The following GGT1 variants were observed in gnomAD, a reference collection of about 807,000 sequenced individuals.
GGT1 encodes gamma-glutamyltransferase 1.
Under a neutral mutation model 56.0 loss-of-function variants are expected in GGT1, and 21 were observed. The ratio of observed to expected loss-of-function variants is 0.38; its 90% CI spans 0.27 to 0.54. GGT1 has a LOEUF of 0.54. GGT1 is among the 20% of genes least tolerant of loss of function. The probability of loss-of-function intolerance (pLI) is 0.82; values close to 1 mark genes in which losing one functional copy is unlikely to be tolerated. For missense variants in GGT1, 466 were observed against 787.0 expected, an observed-to-expected ratio of 0.59 and a Z score of 4.88; for synonymous variants, 238 against 342.6, an observed-to-expected ratio of 0.69 and a Z score of 3.37.
upstream of GGT1, chr22:24,592,792 G>A (rs2045611460): frequency 7.9e-7 from 1 of 1,271,060 alleles, no homozygotes; most frequent in Admixed American, 4.0e-5. Flanking sequence ...ATAGCCCCGC[G>A]CCTCCCAGAC....
At chr22:24,606,256 T>G (rs527848286) in intron 1 of GGT1, among the ~76,000 whole-genome samples, 10 of 150,584 alleles carry the variant, frequency 6.6e-5, no homozygotes, top group Non-Finnish European at 1.3e-4. Flanking sequence ...TCATTTACAT[T>G]AGGTATATCT....
chr22:24,600,373 G>A (rs1288351934), upstream of GGT1, among the ~76,000 whole-genome samples: 18 of 152,254 alleles, frequency 1.2e-4, no homozygotes, highest in East Asian at 1.9e-4. Context: ...GGCTGGGGTT[G>A]AGTTTAAACC....
upstream of GGT1, chr22:24,590,007 C>T: frequency 6.7e-7 from 1 of 1,487,582 alleles, no homozygotes. Flanking sequence ...CTCGAGGCAC[C>T]ACCCCAGCCA....
In GGT1 at chr22:24,614,780, G is replaced by A. The variant is rs4049882; in HGVS notation, c.169G>A (p.Ala57Thr). Residue 57 changes from alanine to threonine, a missense_variant, in exon 6 of 16, where the codon GCA becomes ACA. Physicochemically the swap from Ala to Thr is moderately conservative, Grantham distance 58 (BLOSUM62 0). Coordinates refer to ENST00000400382, the MANE Select transcript of GGT1 (RefSeq NM_001288833.2). ...CCTTTATGTGCCACATGGCAGGGAT[G>A]CACTGCGGGACGGTGGCTCTGCGGT... ...AKQCSKIGRD[A>T]LRDGGSAVDA... is the part of the protein sequence containing the mutation. 62 of 1,613,476 alleles carry A rather than the reference G, an allele frequency of 3.8e-5. No homozygotes were observed. In the African/African-American group the frequency reaches 6.7e-4, roughly 17 times the overall value.
chr22:24,602,672 T>C (rs2330806), upstream of GGT1, among the ~76,000 whole-genome samples: 10,227 of 152,086 alleles, frequency 0.067, 1,111 homozygotes, highest in African/African-American at 0.23. Context: ...CCTCCTGGAT[T>C]ATGTGACTCC....
upstream of GGT1, chr22:24,593,174 C>T: frequency 1.1e-6 from 1 of 907,186 alleles, no homozygotes; most frequent in Non-Finnish European, 1.3e-6. Flanking sequence ...AGCGCCCGCC[C>T]CACCCCGCGC....
chr22:24,589,618 A>C, the GGT1 span: 1 of 638,992 alleles, frequency 1.6e-6, no homozygotes, highest in South Asian at 2.3e-5. Flanking sequence ...AGGGTCCTGC[A>C]AAGCACAGCT....
intron 1 of GGT1, among the ~76,000 whole-genome samples, chr22:24,605,895 TATATTATATA>T (rs1401132772): frequency 1.1e-5 from 1 of 88,630 alleles, no homozygotes; most frequent in Admixed American, 1.9e-4. Flanking sequence ...ATGTGTATTA[TATATTATATA>T]ATATTATATG....
At position 24,627,992 on chromosome 22, in the gene GGT1, G is replaced by A. The variant is rs756131765; in HGVS notation, c.1336+13G>A. On this transcript the variant is annotated intron_variant, in intron 13 of 15. Transcript: ENST00000400382. ...TTCATCCAGCCAGGTATGGGGTGGA[G>A]GTCCGGGGGTGGGGGACTGGGGTGG... The A allele has an allele frequency of 2.5e-6, 4 of 1,612,370 alleles. No homozygotes were observed. Among genetic ancestry groups the A allele is most frequent in the South Asian group, 1.1e-5 (1 of 91,012 alleles).
At chr22:24,600,172 G>A (rs115686475), upstream of GGT1, among the ~76,000 whole-genome samples, 2,197 of 152,336 alleles carry the variant, frequency 0.014, 63 homozygotes, top group African/African-American at 0.049. Context: ...CATCAGGAAA[G>A]GGGAGAAGCT....
chr22:24,589,963 A>C (rs777768246), upstream of GGT1: 12 of 1,575,874 alleles, frequency 7.6e-6, no homozygotes, highest in Non-Finnish European at 9.5e-6. Flanking sequence ...TGAGTGGTGA[A>C]GAGAGAGTTG....
intron 3 of GGT1, 58 bp from the exon 4 acceptor site, chr22:24,610,192 G>A (rs1334135414): frequency 3.2e-6 from 1 of 312,580 alleles, no homozygotes; most frequent in East Asian, 1.0e-4. Flanking sequence ...GTGCCTGGGA[G>A]ACATGCTGAG....
At chr22:24,611,554 CTATCTATCTATCTATCT>C (rs1569054985) in intron 5 of GGT1, among the ~76,000 whole-genome samples, 1 of 62,996 alleles carries the variant, frequency 1.6e-5, no homozygotes, top group African/African-American at 4.4e-5. Flanking sequence ...ATCTATCTAT[CTATCTATCTATCTATCT>C]ATCTATCTAT....
At chr22:24,626,239 T>C (rs2047755050) in intron 11 of GGT1, among the ~76,000 whole-genome samples, 1 of 148,558 alleles carries the variant, frequency 6.7e-6, no homozygotes, top group Admixed American at 6.7e-5. Context: ...TGATCCGCCC[T>C]CCCAAAGTGC....
upstream of GGT1, among the ~76,000 whole-genome samples, chr22:24,590,297 A>T (rs1018910346): frequency 4.1e-5 from 6 of 144,936 alleles, no homozygotes; most frequent in African/African-American, 1.4e-4. Context: ...TCAGCTAATT[A>T]AAAAAAAAAT....
chr22:24,605,775 G>T, intron 1 of GGT1, among the ~76,000 whole-genome samples: 4 of 68,562 alleles, frequency 5.8e-5, no homozygotes, highest in Non-Finnish European at 4.4e-5. Flanking sequence ...ATTATATAAT[G>T]TGTATTATAT....
chr22:24,620,870 G>T lies in GGT1; in HGVS notation c.576-43G>T. ...CGGGTGTGAGGGGTGGTCTAGCTGAGTCCACCCCACCTGCTGCCTCACATG... is the reference window on the plus strand; with the variant it reads ...CGGGTGTGAGGGGTGGTCTAGCTGATTCCACCCCACCTGCTGCCTCACATG... On this transcript the variant is annotated intron_variant, in intron 8 of 15. Coordinates refer to ENST00000400382, the MANE Select transcript of GGT1 (RefSeq NM_001288833.2). The surrounding 1 kb of genome is among the most constrained non-coding windows in gnomAD (Gnocchi z 5.6). 1 of 1,608,022 alleles carries T rather than the reference G, an allele frequency of 6.2e-7. No homozygotes were observed. The highest frequency in any genetic ancestry group is 8.5e-7 in the Non-Finnish European group (1 of 1,177,684).
chr22:24,593,459 T>C (rs968178587), upstream of GGT1, among the ~76,000 whole-genome samples: 2 of 152,064 alleles, frequency 1.3e-5, no homozygotes, highest in Non-Finnish European at 2.9e-5. Context: ...CTTTTAGAAA[T>C]ATGCCCTGCA....
chr22:24,615,579 G>A (rs1183219346), intron 7 of GGT1, among the ~76,000 whole-genome samples: 1 of 152,188 alleles, frequency 6.6e-6, no homozygotes, highest in Non-Finnish European at 1.5e-5. Context: ...GGGAGGTGGT[G>A]AAGCTAAAAT....
Sources: gnomAD v4.1 joint callset for allele counts (sites outside exome capture counted in the v4.1 genomes callset) on GRCh38, gnomAD v4.1.1 for gene constraint, Gnocchi (gnomAD v3.1) non-coding constraint, MANE v1.5 for transcripts, NCBI Gene and HGNC (gene_info 2026-07-23, HGNC 2026-07-21) for gene names.